The following CNTNAP5 variants were observed in gnomAD, a reference collection of about 807,000 sequenced individuals.
The protein encoded by CNTNAP5 is contactin associated protein family member 5, also known as contactin-associated protein-like 5.
A neutral mutation model predicts 150.2 loss-of-function variants in CNTNAP5; 72 were observed. The ratio of observed to expected loss-of-function variants is 0.48; its 90% confidence interval spans 0.40 to 0.58. The LOEUF (loss-of-function observed/expected upper bound fraction) is 0.58. CNTNAP5 is among the 20% of genes least tolerant of loss of function. The pLI is 0.00. For synonymous variants in CNTNAP5, 672 were observed against 619.8 expected, an observed-to-expected ratio of 1.08 and a Z score of -1.25; for missense variants, 1,636 against 1,626.2, an observed-to-expected ratio of 1.01 and a Z score of -0.10.
At chr2:124,780,669 T>C (rs2104619949) in intron 17 of CNTNAP5, among the ~76,000 whole-genome samples, 1 of 152,370 alleles carries the variant, frequency 6.6e-6, no homozygotes, top group Middle Eastern at 3.4e-3. Context: ...CAGCCTTTTT[T>C]TGGGTTGTTT....
rs563590429 is a variant in CNTNAP5, at chr2:124,829,820, C to T, written c.3217+31500C>T. ...CCATGATTAAAATATGATGAAAGTTCCCAGTTGACAAGAACATCTAGTTAT... is the reference window on the plus strand; with the variant it reads ...CCATGATTAAAATATGATGAAAGTTTCCAGTTGACAAGAACATCTAGTTAT... On this transcript the variant is annotated intron_variant, in intron 19 of 23. Transcript: ENST00000682447. 2.6e-5 allele frequency among the ~76,000 whole-genome samples: 4 copies of T among 151,752 alleles called. No individual in the cohort carries two copies. In the South Asian group the frequency reaches 6.2e-4, roughly 24 times the overall value.
intron 12 of CNTNAP5, among the ~76,000 whole-genome samples, chr2:124,630,136 A>G (rs1573509098): frequency 6.6e-6 from 1 of 152,072 alleles, no homozygotes; most frequent in Non-Finnish European, 1.5e-5. Flanking sequence ...GCTGAACTCT[A>G]CCAGAGGTAC....
chr2:124,426,141 GTT>G (rs1360352027), intron 4 of CNTNAP5, among the ~76,000 whole-genome samples: 2 of 151,066 alleles, frequency 1.3e-5, no homozygotes, highest in African/African-American at 4.9e-5. Context: ...GGAATTCAGA[GTT>G]TTGATTTTTT....
chr2:124,292,594 C>T (rs188781622), intron 3 of CNTNAP5, among the ~76,000 whole-genome samples: 1 of 152,102 alleles, frequency 6.6e-6, no homozygotes, highest in African/African-American at 2.4e-5. Flanking sequence ...AAACCTCAAT[C>T]TGATCATAGA....
At chr2:124,726,960 C>T (rs958355023) in intron 13 of CNTNAP5, among the ~76,000 whole-genome samples, 1 of 152,048 alleles carries the variant, frequency 6.6e-6, no homozygotes, top group African/African-American at 2.4e-5. Flanking sequence ...GTTATTTTTA[C>T]AGGTACAGGT....
Position 124,629,734 on chromosome 2 carries a change from T to C in CNTNAP5, c.1877-18024T>C, listed in dbSNP as rs370822971. 3.4e-5 allele frequency among the ~76,000 whole-genome samples: 5 copies of C among 147,898 alleles called. No individual in the cohort carries two copies. In the East Asian group the frequency reaches 7.9e-4, roughly 23 times the overall value. ...CTCAGAGTGGAACTGGAGATAGATA[T>C]ATGAAAAACCCTTCAAATAATCAAT... On this transcript the variant is annotated intron_variant, in intron 12 of 23. Coordinates refer to ENST00000682447, the MANE Select transcript of CNTNAP5 (RefSeq NM_001367498.1).
intron 3 of CNTNAP5, among the ~76,000 whole-genome samples, chr2:124,326,921 A>G (rs1206347679): frequency 2.0e-5 from 3 of 147,642 alleles, no homozygotes; most frequent in Non-Finnish European, 4.5e-5. Flanking sequence ...GTGAGCCAAG[A>G]TTGAGATTGT....
At chr2:124,145,828 A>AG (rs1558773927) in intron 1 of CNTNAP5, among the ~76,000 whole-genome samples, 1 of 16,718 alleles carries the variant, frequency 6.0e-5, no homozygotes, top group African/African-American at 2.9e-4. Flanking sequence ...AAAAAAAAAA[A>AG]GAAGAAAAAA....
In CNTNAP5 at chr2:124,391,373, C is replaced by A. The variant is rs138375176; in HGVS notation, c.382-26070C>A. On this transcript the variant is annotated intron_variant, in intron 3 of 23. Transcript: ENST00000682447. ...AAATGGAAAGAAGACACAATGTGAT[C>A]ACAAAAATGGGTGGACATGATAAAG... Among the ~76,000 whole-genome samples the A allele has an allele frequency of 1.7e-3, 264 of 152,104 alleles. 1 individual carries two copies. The highest frequency in any genetic ancestry group is 6.1e-3 in the African/African-American group (255 of 41,500).
At chr2:124,805,536 C>G (rs902618549) in intron 19 of CNTNAP5, among the ~76,000 whole-genome samples, 5 of 152,128 alleles carry the variant, frequency 3.3e-5, no homozygotes, top group East Asian at 1.9e-4. Context: ...AAAATAGAGA[C>G]AATAGCAGCT....
At chr2:124,580,616 CCCT>C (rs1040667480) in intron 11 of CNTNAP5, among the ~76,000 whole-genome samples, 5 of 152,254 alleles carry the variant, frequency 3.3e-5, no homozygotes, top group African/African-American at 9.6e-5. Context: ...GTGCTTGGCC[CCCT>C]CCTCCTTACA....
chr2:124,612,305 T>C (rs1677403183), intron 12 of CNTNAP5, among the ~76,000 whole-genome samples: 1 of 152,196 alleles, frequency 6.6e-6, no homozygotes, highest in Non-Finnish European at 1.5e-5. Context: ...TATATATACA[T>C]ACAGACACAG....
At chr2:124,648,596 C>T (rs764711451) in intron 13 of CNTNAP5, among the ~76,000 whole-genome samples, 1 of 151,930 alleles carries the variant, frequency 6.6e-6, no homozygotes, top group Non-Finnish European at 1.5e-5. Flanking sequence ...TTATTTTTTA[C>T]AGTAAATGGA....
At chr2:124,610,625 C>T (rs547607485) in intron 12 of CNTNAP5, among the ~76,000 whole-genome samples, 1 of 152,246 alleles carries the variant, frequency 6.6e-6, no homozygotes, top group South Asian at 2.1e-4. Flanking sequence ...CCATGAAATA[C>T]ATTTCCACAA....
chr2:124,495,146 G>A (rs1045831349), intron 7 of CNTNAP5, among the ~76,000 whole-genome samples: 4 of 151,912 alleles, frequency 2.6e-5, no homozygotes, highest in African/African-American at 7.3e-5. Context: ...CATAAACATC[G>A]CTACTAGTGG....
chr2:124,177,498 C>T (rs1245129183), intron 1 of CNTNAP5, among the ~76,000 whole-genome samples: 3 of 152,168 alleles, frequency 2.0e-5, no homozygotes, highest in East Asian at 3.9e-4. Flanking sequence ...GTATCTGAAA[C>T]GTTATATATC....
At chr2:124,298,158 T>C (rs1020302780) in intron 3 of CNTNAP5, among the ~76,000 whole-genome samples, 1 of 152,186 alleles carries the variant, frequency 6.6e-6, no homozygotes, top group Non-Finnish European at 1.5e-5. Context: ...TTTGTTTCTT[T>C]TTTAAAACTT....
At chr2:124,442,337 T>G (rs1692696294) in intron 5 of CNTNAP5, among the ~76,000 whole-genome samples, 1 of 152,150 alleles carries the variant, frequency 6.6e-6, no homozygotes, top group Non-Finnish European at 1.5e-5. Context: ...AGCTTTAGGA[T>G]TTGAAGGTCC....
intron 12 of CNTNAP5, among the ~76,000 whole-genome samples, chr2:124,615,102 G>A (rs1211375394): frequency 6.6e-6 from 1 of 152,196 alleles, no homozygotes; most frequent in African/African-American, 2.4e-5. Flanking sequence ...TTTGCTGGTG[G>A]AGGAAAAAGA....
Sources: allele counts gnomAD v4.1 joint callset (sites outside exome capture counted in the v4.1 genomes callset), GRCh38; gene constraint gnomAD v4.1.1; transcripts MANE v1.5; gene names NCBI Gene and HGNC (gene_info 2026-07-23, HGNC 2026-07-21).